Variants in CDK14 observed in about 807,000 individuals in gnomAD.
The protein encoded by CDK14 is cyclin-dependent kinase 14.
In CDK14, 34 loss-of-function variants were observed where a neutral mutation model predicts 60.7. That is an observed-to-expected ratio of 0.56 (90% CI 0.43 to 0.75). The LOEUF (loss-of-function observed/expected upper bound fraction) is 0.75, where lower values mean the gene tolerates loss of function less well. Ranked by LOEUF, CDK14 falls within the 30% of genes least tolerant of loss-of-function variation. The pLI, the probability that CDK14 is intolerant of heterozygous loss-of-function variation, is 0.00. For missense variants in CDK14, 482 were observed against 564.1 expected, an observed-to-expected ratio of 0.85 and a Z score of 1.47; for synonymous variants, 197 against 203.7, an observed-to-expected ratio of 0.97 and a Z score of 0.28.
At chr7:90,734,384 G>A (rs1403926607) in intron 3 of CDK14, among the ~76,000 whole-genome samples, 1 of 152,148 alleles carries the variant, frequency 6.6e-6, no homozygotes, top group Non-Finnish European at 1.5e-5. Context: ...AGTTCTCCTG[G>A]ATGATATCCT....
intron 12 of CDK14, among the ~76,000 whole-genome samples, chr7:91,091,896 T>C (rs915337503): frequency 6.6e-6 from 1 of 152,098 alleles, no homozygotes; most frequent in Non-Finnish European, 1.5e-5. Flanking sequence ...GCCGATATTG[T>C]TAGTTTTAAG....
chr7:91,163,824 T>A (rs1278145242), intron 14 of CDK14, among the ~76,000 whole-genome samples: 1 of 152,182 alleles, frequency 6.6e-6, no homozygotes, highest in Non-Finnish European at 1.5e-5. Flanking sequence ...ATGATCCATA[T>A]GAAAAAAATT....
chr7:90,898,491 G>A (rs1792404507), intron 6 of CDK14, among the ~76,000 whole-genome samples: 1 of 151,906 alleles, frequency 6.6e-6, no homozygotes. Flanking sequence ...ATGTTCATTG[G>A]CTTTTACTGA....
intron 11 of CDK14, among the ~76,000 whole-genome samples, chr7:91,074,146 G>T (rs756913982): frequency 5.9e-5 from 9 of 152,118 alleles, no homozygotes; most frequent in Non-Finnish European, 1.3e-4. Context: ...GGATCAAGTG[G>T]ACCTAATAGA....
chr7:90,796,269 GA>G (rs1467768187), intron 5 of CDK14, among the ~76,000 whole-genome samples: 1 of 152,148 alleles, frequency 6.6e-6, no homozygotes, highest in African/African-American at 2.4e-5. Flanking sequence ...ATATCAATTA[GA>G]AAAAGAAGAA....
intron 2 of CDK14, among the ~76,000 whole-genome samples, chr7:90,606,152 A>G (rs1346452622): frequency 6.6e-6 from 1 of 152,186 alleles, no homozygotes; most frequent in Non-Finnish European, 1.5e-5. Context: ...TTCCCACTCC[A>G]TCATTACACA....
chr7:90,788,861 A>T (rs540791185), intron 4 of CDK14, among the ~76,000 whole-genome samples: 2 of 152,306 alleles, frequency 1.3e-5, no homozygotes, highest in Admixed American at 6.5e-5. Flanking sequence ...TTAAATTGCA[A>T]CAAGAGACCA....
intron 5 of CDK14, among the ~76,000 whole-genome samples, chr7:90,833,761 G>A (rs1181877302): frequency 1.3e-5 from 2 of 152,130 alleles, no homozygotes; most frequent in African/African-American, 4.8e-5. Context: ...TATGTAGCTT[G>A]TATCTCCCCT....
intron 12 of CDK14, among the ~76,000 whole-genome samples, chr7:91,105,585 A>G (rs992304473): frequency 1.3e-5 from 2 of 152,214 alleles, no homozygotes; most frequent in African/African-American, 2.4e-5. Flanking sequence ...GAAAATCCTT[A>G]TGGGGAAACA....
intron 2 of CDK14, among the ~76,000 whole-genome samples, chr7:90,679,099 G>A (rs985210043): frequency 1.9e-4 from 29 of 152,068 alleles, no homozygotes; most frequent in African/African-American, 6.8e-4. Flanking sequence ...ACAGGCACAC[G>A]CCACCATGCC....
intron 2 of CDK14, among the ~76,000 whole-genome samples, chr7:90,723,407 C>T (rs1374342448): frequency 1.3e-5 from 2 of 152,128 alleles, no homozygotes; most frequent in Non-Finnish European, 2.9e-5. Flanking sequence ...ACTTGACTCA[C>T]AAGGTTGTTT....
At chr7:90,701,634 C>T (rs758848031) in intron 2 of CDK14, among the ~76,000 whole-genome samples, 4 of 152,082 alleles carry the variant, frequency 2.6e-5, no homozygotes, top group African/African-American at 7.2e-5. Flanking sequence ...ACAGTAGCTC[C>T]GTATCCTTTC....
intron 3 of CDK14, among the ~76,000 whole-genome samples, chr7:90,742,982 C>T (rs1354922113): frequency 3.3e-5 from 5 of 152,040 alleles, no homozygotes; most frequent in Admixed American, 6.6e-5. Flanking sequence ...ACATTAAACT[C>T]ACTTATGTTT....
intron 2 of CDK14, among the ~76,000 whole-genome samples, chr7:90,606,878 CG>C (rs1318803678): frequency 1.3e-5 from 2 of 152,202 alleles, no homozygotes; most frequent in African/African-American, 2.4e-5. Flanking sequence ...TAACTTACCC[CG>C]GCCATGACAT....
intron 11 of CDK14, among the ~76,000 whole-genome samples, chr7:91,066,337 C>A (rs975663058): frequency 6.6e-6 from 1 of 152,096 alleles, no homozygotes; most frequent in Non-Finnish European, 1.5e-5. Context: ...CTTCTATGGA[C>A]CCCCCTCTTT....
chr7:91,134,733 G>A (rs564163663), intron 14 of CDK14, among the ~76,000 whole-genome samples: 2 of 152,108 alleles, frequency 1.3e-5, no homozygotes, highest in Middle Eastern at 6.8e-3. Flanking sequence ...CATTAGCTGG[G>A]CAGTAGTGGC....
chr7:90,959,032 G>A (rs140880940), intron 9 of CDK14, among the ~76,000 whole-genome samples: 208 of 152,172 alleles, frequency 1.4e-3, no homozygotes, highest in Middle Eastern at 3.4e-3. Context: ...TTTCTTGCCC[G>A]TGTGTCACTT....
intron 14 of CDK14, among the ~76,000 whole-genome samples, chr7:91,192,533 C>T (rs1177151398): frequency 2.0e-5 from 3 of 152,122 alleles, no homozygotes; most frequent in Admixed American, 2.0e-4. Flanking sequence ...TGAGAGGGAA[C>T]TTATGGGTGG....
chr7:90,908,337 C>T (rs1461472328), intron 7 of CDK14, among the ~76,000 whole-genome samples: 1 of 151,974 alleles, frequency 6.6e-6, no homozygotes, highest in African/African-American at 2.4e-5. Context: ...CTGATTTGTT[C>T]GTAACAATTT....
Sources: gnomAD v4.1 joint callset for allele counts (sites outside exome capture counted in the v4.1 genomes callset) on GRCh38, gnomAD v4.1.1 for gene constraint, MANE v1.5 for transcripts, NCBI Gene and HGNC (gene_info 2026-07-23, HGNC 2026-07-21) for gene names.